ITGA9: variants seen among roughly 807,000 people sequenced by gnomAD.
The protein encoded by ITGA9 is integrin subunit alpha 9, also known as integrin alpha-9.
ITGA9 carries 56 observed loss-of-function variants against 127.8 expected under a neutral mutation model. The ratio of observed to expected loss-of-function variants is 0.44; its 90% CI spans 0.35 to 0.55. The LOEUF is 0.55. Ranked by LOEUF, ITGA9 falls within the 20% of genes least tolerant of loss-of-function variation. The probability of loss-of-function intolerance (pLI) is 0.00; values close to 1 mark genes in which losing one functional copy is unlikely to be tolerated. For synonymous variants in ITGA9, 508 were observed against 514.5 expected (o/e 0.99, Z 0.17); for missense variants, 1,196 against 1,347.1 (o/e 0.89, Z 1.76).
chr3:37,458,601 G>T (rs1252501173), intron 1 of ITGA9, among the ~76,000 whole-genome samples: 1 of 152,262 alleles, frequency 6.6e-6, no homozygotes, highest in Non-Finnish European at 1.5e-5. Context: ...CCGCCTTGCA[G>T]CTGAACAGCA....
At chr3:37,545,029 G>A (rs1020548824) in intron 15 of ITGA9, among the ~76,000 whole-genome samples, 1 of 152,368 alleles carries the variant, frequency 6.6e-6, no homozygotes, top group Non-Finnish European at 1.5e-5. Context: ...CACCGCCCCG[G>A]CTTACTGGCT....
chr3:37,765,320 A>G (rs916340800), intron 23 of ITGA9, among the ~76,000 whole-genome samples: 1 of 152,162 alleles, frequency 6.6e-6, no homozygotes, highest in African/African-American at 2.4e-5. Context: ...AAGAGATTGA[A>G]TTACTTATCA....
chr3:37,698,955 G>A (rs35139558), intron 18 of ITGA9, among the ~76,000 whole-genome samples: 3,180 of 152,242 alleles, frequency 0.021, 55 homozygotes, highest in African/African-American at 0.052. Context: ...CAGCCATTGG[G>A]ACACTTATTT....
At chr3:37,740,243 G>A (rs1341337425) in intron 20 of ITGA9, among the ~76,000 whole-genome samples, 5 of 152,100 alleles carry the variant, frequency 3.3e-5, no homozygotes, top group South Asian at 4.1e-4. Flanking sequence ...TTCAGGGAAC[G>A]GCGTGGTGGG....
At chr3:37,584,840 C>T (rs991127916) in intron 15 of ITGA9, among the ~76,000 whole-genome samples, 1 of 152,120 alleles carries the variant, frequency 6.6e-6, no homozygotes, top group Non-Finnish European at 1.5e-5. Context: ...GGGCATACAG[C>T]ATAGAGTATC....
intron 20 of ITGA9, among the ~76,000 whole-genome samples, chr3:37,739,036 T>A (rs1696400581): frequency 1.3e-5 from 2 of 151,898 alleles, no homozygotes; most frequent in South Asian, 4.2e-4. Flanking sequence ...GGCAATGGAG[T>A]TTTCAGAAGG....
chr3:37,810,173 C>T (rs956063725), intron 27 of ITGA9, among the ~76,000 whole-genome samples: 1 of 152,136 alleles, frequency 6.6e-6, no homozygotes, highest in African/African-American at 2.4e-5. Flanking sequence ...CCTTGAGGTC[C>T]GGAGCCAAAA....
chr3:37,749,376 C>T (rs1377077408), intron 22 of ITGA9: 1 of 153,254 alleles, frequency 6.5e-6, no homozygotes, highest in African/African-American at 2.4e-5. Context: ...TGATTAGCAA[C>T]CTTAATTCCC....
In ITGA9 at chr3:37,486,245, G is replaced by A. The variant is rs527923329; in HGVS notation, c.544+4638G>A. 2.6e-5 allele frequency among the ~76,000 whole-genome samples: 4 copies of A among 152,330 alleles called. No individual in the cohort carries two copies. In the East Asian group the frequency reaches 7.7e-4, roughly 29 times the overall value. The stretch of plus-strand genomic sequence containing the variant: ...GCAGCATGGCAAATTAACAAAGCCT[G>A]TTCAAGATTAAACTCTGAGAAAGAA... On this transcript the variant is annotated intron_variant, in intron 4 of 27. Coordinates refer to ENST00000264741, the MANE Select transcript of ITGA9 (RefSeq NM_002207.3).
intron 19 of ITGA9, 41 bp from the exon 20 acceptor site, chr3:37,736,863 G>T: frequency 7.6e-7 from 1 of 1,315,742 alleles, no homozygotes; most frequent in Non-Finnish European, 1.1e-6. Context: ...TTTAAGTTTG[G>T]AATGCCTGCT....
intron 18 of ITGA9, among the ~76,000 whole-genome samples, chr3:37,701,730 C>T (rs147140364): frequency 3.9e-4 from 60 of 152,274 alleles, no homozygotes; most frequent in African/African-American, 1.3e-3. Context: ...GTGGGGTCTG[C>T]GACAACCTGT....
chr3:37,662,262 G>A (rs553495438), intron 17 of ITGA9, among the ~76,000 whole-genome samples: 1 of 152,164 alleles, frequency 6.6e-6, no homozygotes, highest in African/African-American at 2.4e-5. Flanking sequence ...AATTAGCCAG[G>A]CGTGGCAGCA....
chr3:37,788,281 T>G (rs537930743), intron 26 of ITGA9, among the ~76,000 whole-genome samples: 70 of 152,270 alleles, frequency 4.6e-4, no homozygotes, highest in African/African-American at 1.6e-3. Flanking sequence ...TTTCCTTCTC[T>G]GAGGTATGCT....
intron 22 of ITGA9, chr3:37,748,747 TAA>T (rs34063758): frequency 0.17 from 74,886 of 439,140 alleles, 1,871 homozygotes; most frequent in Middle Eastern, 0.2. Context: ...GACTCTGTCT[TAA>T]AAAAAAAAAA....
intron 15 of ITGA9, among the ~76,000 whole-genome samples, chr3:37,575,145 G>A (rs1286444668): frequency 6.6e-6 from 1 of 152,116 alleles, no homozygotes. Context: ...CTCACCCCAA[G>A]GTACCCGTGC....
chr3:37,810,485 G>A (rs1024261184), intron 27 of ITGA9, among the ~76,000 whole-genome samples: 1 of 151,484 alleles, frequency 6.6e-6, no homozygotes, highest in African/African-American at 2.4e-5. Context: ...GTGCAGTCTT[G>A]GCTCACTGCA....
chr3:37,507,016 G>C (rs1698852101), intron 7 of ITGA9, among the ~76,000 whole-genome samples: 1 of 152,186 alleles, frequency 6.6e-6, no homozygotes, highest in African/African-American at 2.4e-5. Flanking sequence ...AGTTGACTAG[G>C]CTTGACTAAG....
chr3:37,710,619 C>T (rs984799342), intron 18 of ITGA9, among the ~76,000 whole-genome samples: 3 of 152,098 alleles, frequency 2.0e-5, no homozygotes, highest in Admixed American at 2.0e-4. Flanking sequence ...ATAATTTAAC[C>T]ATTTGTTATT....
chr3:37,476,457 T>C (rs1698495555), intron 3 of ITGA9, among the ~76,000 whole-genome samples: 1 of 152,198 alleles, frequency 6.6e-6, no homozygotes, highest in South Asian at 2.1e-4. Context: ...CATTGAGCAT[T>C]GTTTCATCAT....
Sources: allele counts gnomAD v4.1 joint callset (sites outside exome capture counted in the v4.1 genomes callset), GRCh38; gene constraint gnomAD v4.1.1; transcripts MANE v1.5; gene names NCBI Gene and HGNC (gene_info 2026-07-23, HGNC 2026-07-21).